JAZF1: variants seen among roughly 807,000 people sequenced by gnomAD.
JAZF1 encodes the protein JAZF zinc finger 1.
In JAZF1, 8 loss-of-function variants were observed where a neutral mutation model predicts 26.4. The ratio of observed to expected loss-of-function variants is 0.30; its 90% CI spans 0.18 to 0.55. JAZF1 has a LOEUF of 0.55. Among genes scored for constraint, JAZF1 ranks in the 20% least tolerant of loss-of-function variants. The probability of loss-of-function intolerance (pLI) is 0.94; values close to 1 mark genes in which losing one functional copy is unlikely to be tolerated. For missense variants in JAZF1, 199 were observed against 322.0 expected (o/e 0.62, Z 2.92); for synonymous variants, 126 against 122.3 (o/e 1.03, Z -0.20).
intron 2 of JAZF1, among the ~76,000 whole-genome samples, chr7:27,966,978 T>G (rs922940894): frequency 2.0e-5 from 3 of 152,268 alleles, no homozygotes; most frequent in African/African-American, 7.2e-5. Context: ...TGCACAGGTC[T>G]AAGGAACTGA....
intron 1 of JAZF1, among the ~76,000 whole-genome samples, chr7:28,063,479 A>G (rs750347377): frequency 6.6e-6 from 1 of 152,180 alleles, no homozygotes; most frequent in Non-Finnish European, 1.5e-5. Flanking sequence ...ATAGCAAAAT[A>G]TAACAAAAAA....
chr7:27,858,767 C>A (rs1783321072), intron 3 of JAZF1, among the ~76,000 whole-genome samples: 1 of 152,050 alleles, frequency 6.6e-6, no homozygotes, highest in African/African-American at 2.4e-5. Flanking sequence ...AACATAAAAC[C>A]ATAAAAACCC....
In JAZF1 at chr7:28,103,723, C is replaced by T. The variant is rs574823245; in HGVS notation, c.115+76740G>A. Among the ~76,000 whole-genome samples the T allele has an allele frequency of 6.6e-5, 10 of 152,306 alleles. No homozygotes were observed. In the South Asian group the frequency reaches 2.1e-3, roughly 32 times the overall value. On this transcript the variant is annotated intron_variant, in intron 1 of 4. Coordinates refer to ENST00000283928, the MANE Select transcript of JAZF1 (RefSeq NM_175061.4). Reference sequence around the variant, plus strand: ...CTAAAATCTACCCAGAACTCTACCACTTCCCACCACCTTCACAACTACCAC... The same window carrying T: ...CTAAAATCTACCCAGAACTCTACCATTTCCCACCACCTTCACAACTACCAC...
At chr7:27,907,830 C>T (rs539785754) in intron 2 of JAZF1, among the ~76,000 whole-genome samples, 1 of 152,246 alleles carries the variant, frequency 6.6e-6, no homozygotes, top group African/African-American at 2.4e-5. Flanking sequence ...CCAAGACGGC[C>T]ACACGAATCG....
rs138322651 is a variant in JAZF1 at position 27,875,206 on chromosome 7, G to A, written c.385+20014C>T. On this transcript the variant is annotated intron_variant, in intron 3 of 4. Coordinates refer to ENST00000283928, the MANE Select transcript of JAZF1 (RefSeq NM_175061.4). Reference sequence around the variant, plus strand: ...GGCTGCCTGGGAGTCTTTCTCTCTCGCTTTCTCTTCCAGCCTCATCCAACT... The same window carrying A: ...GGCTGCCTGGGAGTCTTTCTCTCTCACTTTCTCTTCCAGCCTCATCCAACT... Among the ~76,000 whole-genome samples the A allele has an allele frequency of 9.3e-3, 1,413 of 152,112 alleles. 23 individuals are homozygous for A. The highest frequency in any genetic ancestry group is 0.032 in the African/African-American group (1,341 of 41,474).
chr7:28,026,986 C>T (rs918809968), intron 1 of JAZF1, among the ~76,000 whole-genome samples: 1 of 152,350 alleles, frequency 6.6e-6, no homozygotes, highest in South Asian at 2.1e-4. Flanking sequence ...TTTTCCATTA[C>T]CCGTGTTTAA....
chr7:28,109,323 G>A (rs752638481), intron 1 of JAZF1, among the ~76,000 whole-genome samples: 1 of 152,052 alleles, frequency 6.6e-6, no homozygotes, highest in Non-Finnish European at 1.5e-5. Context: ...ATTGTATATG[G>A]TAAATATATT....
At chr7:28,020,177 C>A (rs1782979725) in intron 1 of JAZF1, among the ~76,000 whole-genome samples, 1 of 152,078 alleles carries the variant, frequency 6.6e-6, no homozygotes, top group African/African-American at 2.4e-5. Context: ...ATGCTGAAAC[C>A]CTCCTTAGAT....
intron 2 of JAZF1, among the ~76,000 whole-genome samples, chr7:27,939,662 G>A (rs1784813582): frequency 6.6e-6 from 1 of 152,204 alleles, no homozygotes; most frequent in South Asian, 2.1e-4. Flanking sequence ...CCTAGAGGGG[G>A]AAGACCCTGT....
chr7:27,906,882 T>C (rs1483802837), intron 2 of JAZF1, among the ~76,000 whole-genome samples: 4 of 151,888 alleles, frequency 2.6e-5, no homozygotes, highest in Non-Finnish European at 5.9e-5. Context: ...ACAAAGAAGC[T>C]GCACTTTACA....
At chr7:28,039,440 C>T (rs1783352466) in intron 1 of JAZF1, among the ~76,000 whole-genome samples, 1 of 152,070 alleles carries the variant, frequency 6.6e-6, no homozygotes, top group Non-Finnish European at 1.5e-5. Flanking sequence ...GGTCTAAGAT[C>T]CAAGAATAAG....
chr7:27,916,551 CTA>C (rs1284554287), intron 2 of JAZF1, among the ~76,000 whole-genome samples: 1 of 152,194 alleles, frequency 6.6e-6, no homozygotes. Flanking sequence ...GCCAACAGTA[CTA>C]TGACTCATGC....
intron 1 of JAZF1, among the ~76,000 whole-genome samples, chr7:27,997,923 A>G (rs1786049824): frequency 6.6e-6 from 1 of 151,998 alleles, no homozygotes; most frequent in Non-Finnish European, 1.5e-5. Flanking sequence ...TTGTCTCTAG[A>G]CATTGGAGGA....
chr7:28,152,948 CAG>C (rs965059585), intron 1 of JAZF1, among the ~76,000 whole-genome samples: 15 of 152,136 alleles, frequency 9.9e-5, no homozygotes, highest in Admixed American at 2.6e-4. Context: ...TTTTTGAAAA[CAG>C]TGTAAATTGG....
rs1487896695 is a variant in JAZF1 at position 27,834,602 on chromosome 7, G to C, written c.556-1626C>G. Among the ~76,000 whole-genome samples the C allele has an allele frequency of 2.0e-5, 3 of 152,342 alleles. No individual in the cohort carries two copies. In the East Asian group the frequency reaches 5.8e-4, roughly 29 times the overall value. On this transcript the variant is annotated intron_variant, in intron 4 of 4. Transcript: ENST00000283928. ...GGGGGTTTCAGAGCCTACTGGGGCA[G>C]GAAAGGGGAGGGTAGTGGTGGTGGT...
At chr7:27,886,731 G>A (rs1178940332) in intron 3 of JAZF1, among the ~76,000 whole-genome samples, 1 of 152,176 alleles carries the variant, frequency 6.6e-6, no homozygotes, top group African/African-American at 2.4e-5. Context: ...AACCACAAAG[G>A]CTATGCCTTA....
intron 1 of JAZF1, among the ~76,000 whole-genome samples, chr7:28,039,446 ATAAG>A (rs1783352676): frequency 6.6e-6 from 1 of 152,232 alleles, no homozygotes; most frequent in Admixed American, 6.5e-5. Flanking sequence ...AGATCCAAGA[ATAAG>A]TAAGAAATTA....
At chr7:28,114,545 G>T (rs185940066) in intron 1 of JAZF1, among the ~76,000 whole-genome samples, 44 of 151,390 alleles carry the variant, frequency 2.9e-4, no homozygotes, top group African/African-American at 1.1e-3. Context: ...CATCATCAAG[G>T]CAAACTGGGC....
intron 3 of JAZF1, among the ~76,000 whole-genome samples, chr7:27,888,548 T>G (rs1024707313): frequency 8.5e-5 from 13 of 152,156 alleles, no homozygotes; most frequent in Non-Finnish European, 1.6e-4. Flanking sequence ...GTCCTGTAAG[T>G]CTGTATTGCA....
Sources: allele counts gnomAD v4.1 joint callset (sites outside exome capture counted in the v4.1 genomes callset), GRCh38; gene constraint gnomAD v4.1.1; transcripts MANE v1.5; gene names NCBI Gene and HGNC (gene_info 2026-07-23, HGNC 2026-07-21).